DHX36: variants seen among roughly 807,000 people sequenced by gnomAD.
DHX36 encodes the protein ATP-dependent DNA/RNA helicase DHX36.
In DHX36, 50 loss-of-function variants were observed where a neutral mutation model predicts 139.0. That is an observed-to-expected ratio of 0.36 (90% confidence interval 0.29 to 0.46). The LOEUF (loss-of-function observed/expected upper bound fraction) is 0.46, where lower values mean the gene tolerates loss of function less well. Among genes scored for constraint, DHX36 ranks in the 20% least tolerant of loss-of-function variants. DHX36 has a pLI of 1.00. For synonymous variants in DHX36, 425 were observed against 401.9 expected (o/e 1.06, Z -0.69); for missense variants, 1,024 against 1,211.3 (o/e 0.85, Z 2.29).
chr3:154,307,588 T>C (rs1026968390), intron 5 of DHX36, among the ~76,000 whole-genome samples: 1 of 152,086 alleles, frequency 6.6e-6, no homozygotes, highest in South Asian at 2.1e-4. Context: ...CCAGTCAAAA[T>C]GGCTACTATT....
chr3:154,276,521 A>G (rs909207574), intron 24 of DHX36, 165 bp from the exon 25 acceptor site: 4 of 786,398 alleles, frequency 5.1e-6, no homozygotes, highest in East Asian at 2.7e-5. Flanking sequence ...GTGAATAACT[A>G]AAGTGCAGTT....
intron 1 of DHX36, among the ~76,000 whole-genome samples, chr3:154,323,580 G>C (rs1713279403): frequency 6.6e-6 from 1 of 152,062 alleles, no homozygotes; most frequent in Non-Finnish European, 1.5e-5. Flanking sequence ...ATCATCTCTG[G>C]AGATTCCTTT....
At chr3:154,290,441 G>T (rs1216786746) in intron 15 of DHX36, among the ~76,000 whole-genome samples, 1 of 151,680 alleles carries the variant, frequency 6.6e-6, no homozygotes, top group African/African-American at 2.4e-5. Flanking sequence ...TTTGAGACCA[G>T]CCTGGCCAAC....
rs990177644 is a variant in DHX36, at chr3:154,276,091, G to C, written c.*80C>G. On this transcript the variant is annotated 3_prime_UTR_variant, in exon 25 of 25. Transcript: ENST00000496811. ...CACATGAAAATTGTTCATGTCCCAG[G>C]GTTTGGCATCCAGCCAAAATTTAAA... 5.7e-6 allele frequency: 8 copies of C among 1,411,098 alleles called. No homozygotes were observed. The African/African-American group carries it at 5.7e-5, about 10-fold the overall frequency. 87.4% of individuals were successfully genotyped at this position (1,411,098 alleles called of 1,614,324 possible). A position where few individuals can be genotyped will look rare whatever the true frequency, so the allele number is the denominator to read the frequency against.
At chr3:154,316,967 C>T (rs1198202526) in intron 1 of DHX36, among the ~76,000 whole-genome samples, 1 of 151,822 alleles carries the variant, frequency 6.6e-6, no homozygotes, top group South Asian at 2.1e-4. Flanking sequence ...GAAACACACG[C>T]GGAGTGGTGA....
At position 154,274,374 on chromosome 3, in the gene DHX36, A is replaced by T. The variant is rs1488494279; in HGVS notation, c.*1797T>A. On this transcript the variant is annotated 3_prime_UTR_variant, in exon 25 of 25. Transcript: ENST00000496811. ...AAAAAACTAACAATATCCTATTAAA[A>T]GTGGCTTAAACAATTGAAGGGTTTT... The T allele has an allele frequency of 5.5e-6, 1 of 182,160 alleles. No homozygotes were observed. The highest frequency in any genetic ancestry group is 1.1e-5 in the Non-Finnish European group (1 of 88,368). The allele number at this position is 182,160 out of a possible 1,614,324, so 11.3% of individuals were successfully genotyped here.
intron 8 of DHX36, 90 bp downstream of exon 8, chr3:154,304,715 AT>A (rs1293482120): frequency 1.1e-6 from 1 of 951,822 alleles, no homozygotes; most frequent in Non-Finnish European, 1.5e-6. Flanking sequence ...CTAAACATTC[AT>A]TTTGACTACT....
At chr3:154,296,301 C>T (rs1033283164) in intron 12 of DHX36, among the ~76,000 whole-genome samples, 1 of 151,974 alleles carries the variant, frequency 6.6e-6, no homozygotes, top group Non-Finnish European at 1.5e-5. Context: ...GGTGAAACCC[C>T]GTCTATACTA....
intron 15 of DHX36, among the ~76,000 whole-genome samples, chr3:154,291,653 T>G (rs766748645): frequency 3.3e-5 from 5 of 152,236 alleles, no homozygotes; most frequent in African/African-American, 4.8e-5. Context: ...CAGAGCTTTA[T>G]GGATATTGTA....
intron 6 of DHX36, among the ~76,000 whole-genome samples, chr3:154,305,816 T>C (rs1399949888): frequency 1.3e-5 from 2 of 151,948 alleles, no homozygotes; most frequent in Admixed American, 6.6e-5. Flanking sequence ...AGTCCTAAGC[T>C]CCAGAAAAGG....
At chr3:154,322,901 G>T (rs1713248007) in intron 1 of DHX36, among the ~76,000 whole-genome samples, 1 of 152,176 alleles carries the variant, frequency 6.6e-6, no homozygotes, top group African/African-American at 2.4e-5. Flanking sequence ...CAACGAAAAA[G>T]TTAATTTGGG....
chr3:154,282,103 G>C (rs1046984436), intron 20 of DHX36, among the ~76,000 whole-genome samples: 3 of 152,048 alleles, frequency 2.0e-5, no homozygotes, highest in Non-Finnish European at 2.9e-5. Flanking sequence ...TCATGCTTCT[G>C]TTCACTTCTC....
intron 19 of DHX36, 33 bp from the exon 20 acceptor site, chr3:154,283,304 T>G (rs1242473247): frequency 2.0e-6 from 3 of 1,469,990 alleles, no homozygotes; most frequent in Non-Finnish European, 2.9e-6. Context: ...AATCTATATT[T>G]CTCCCGCAAA....
chr3:154,321,476 T>C (rs1713182746), intron 1 of DHX36, among the ~76,000 whole-genome samples: 1 of 152,202 alleles, frequency 6.6e-6, no homozygotes, highest in Non-Finnish European at 1.5e-5. Flanking sequence ...TGCCCTGAGT[T>C]AGGTGATAGC....
At chr3:154,280,473 A>T in intron 22 of DHX36, 106 bp downstream of exon 22, 1 of 781,868 alleles carries the variant, frequency 1.3e-6, no homozygotes, top group Non-Finnish European at 2.1e-6. Context: ...AATATAACCC[A>T]CATATGAATA....
intron 1 of DHX36, among the ~76,000 whole-genome samples, chr3:154,323,718 T>G (rs1713286107): frequency 2.0e-5 from 3 of 152,212 alleles, no homozygotes; most frequent in Admixed American, 6.5e-5. Flanking sequence ...TTCTGAATGA[T>G]CCACATCCAA....
At chr3:154,305,548 T>C (rs566953263) in intron 6 of DHX36, among the ~76,000 whole-genome samples, 195 of 152,138 alleles carry the variant, frequency 1.3e-3, no homozygotes, top group African/African-American at 4.4e-3. Context: ...GATGGGAGGG[T>C]TGCTTGAGCC....
intron 22 of DHX36, chr3:154,278,655 T>G (rs1719234943): frequency 6.6e-6 from 1 of 152,062 alleles, no homozygotes; most frequent in Non-Finnish European, 1.5e-5. Flanking sequence ...AGTTTTTGTA[T>G]TCTTAGTAGA....
At chr3:154,285,115 T>A in intron 17 of DHX36, 128 bp from the exon 18 acceptor site, 1 of 957,646 alleles carries the variant, frequency 1.0e-6, no homozygotes, top group East Asian at 2.6e-5. Flanking sequence ...CAAATATTGT[T>A]CAGCTTTAGT....
Sources: allele counts gnomAD v4.1 joint callset (sites outside exome capture counted in the v4.1 genomes callset), GRCh38; gene constraint gnomAD v4.1.1; transcripts MANE v1.5; gene names NCBI Gene and HGNC (gene_info 2026-07-23, HGNC 2026-07-21).